Variants in HERC3 observed in about 807,000 individuals in gnomAD.
HERC3 encodes the protein probable E3 ubiquitin-protein ligase HERC3.
In HERC3, 58 loss-of-function variants were observed where a neutral mutation model predicts 129.9. The ratio of observed to expected loss-of-function variants is 0.45; its 90% CI spans 0.36 to 0.56. HERC3 has a LOEUF of 0.56. Among genes scored for constraint, HERC3 ranks in the 20% least tolerant of loss-of-function variants. The probability of loss-of-function intolerance (pLI) is 0.00; values close to 1 mark genes in which losing one functional copy is unlikely to be tolerated. For synonymous variants in HERC3, 430 were observed against 451.0 expected (o/e 0.95, Z 0.59); for missense variants, 835 against 1,244.2 (o/e 0.67, Z 4.95).
chr4:88,690,456 A>G, intron 23 of HERC3: 1 of 985,420 alleles, frequency 1.0e-6, no homozygotes, highest in Non-Finnish European at 1.2e-6. Flanking sequence ...TAGCTTTTGC[A>G]TTAAGTTTCA....
the HERC3 span, among the ~76,000 whole-genome samples, chr4:88,552,122 TG>T: frequency 1.3e-5 from 1 of 78,082 alleles, no homozygotes; most frequent in East Asian, 3.3e-4. Context: ...CATCACAGTC[TG>T]GGGACTGTTG....
chr4:88,697,142 T>A, intron 23 of HERC3: 2 of 1,437,964 alleles, frequency 1.4e-6, no homozygotes, highest in Non-Finnish European at 1.8e-6. Context: ...CCATCGATAT[T>A]CTGGGAAAAA....
the HERC3 span, among the ~76,000 whole-genome samples, chr4:88,554,098 A>T: frequency 6.6e-6 from 1 of 152,312 alleles, no homozygotes; most frequent in Non-Finnish European, 1.5e-5. Context: ...CTGTAATCCC[A>T]GCATGTTGGG....
At chr4:88,535,598 G>A in the HERC3 span, among the ~76,000 whole-genome samples, 81 of 152,202 alleles carry the variant, frequency 5.3e-4, no homozygotes, top group Non-Finnish European at 1.0e-3. Context: ...AGTCATGATG[G>A]ACTTCATCTT....
chr4:88,687,888 AGAG>A (rs1258615313), intron 23 of HERC3, among the ~76,000 whole-genome samples: 1 of 150,576 alleles, frequency 6.6e-6, no homozygotes, highest in Non-Finnish European at 1.5e-5. Flanking sequence ...TTAACTCTTT[AGAG>A]GAGAGAAGAT....
intron 3 of HERC3, among the ~76,000 whole-genome samples, chr4:88,631,276 G>A (rs1296193098): frequency 1.3e-5 from 2 of 152,046 alleles, no homozygotes; most frequent in African/African-American, 4.8e-5. Flanking sequence ...CCAACATGGT[G>A]AAACCCCGCC....
intron 18 of HERC3, among the ~76,000 whole-genome samples, chr4:88,676,851 G>T (rs946303036): frequency 6.6e-6 from 1 of 152,134 alleles, no homozygotes; most frequent in Non-Finnish European, 1.5e-5. Context: ...TTAAAAAAAT[G>T]TAGAAACCAT....
Position 88,707,224 on chromosome 4 carries a change from C to A in HERC3, c.*264C>A. The A allele has an allele frequency of 2.3e-6, 1 of 440,472 alleles. No individual in the cohort carries two copies. The highest frequency in any genetic ancestry group is 4.1e-6 in the Non-Finnish European group (1 of 242,362). The allele number at this position is 440,472 out of a possible 1,614,324, so 27.3% of individuals were successfully genotyped here. A position where few individuals can be genotyped will look rare whatever the true frequency, so the allele number is the denominator to read the frequency against. On this transcript the variant is annotated 3_prime_UTR_variant, in exon 26 of 26. Coordinates refer to ENST00000402738, the MANE Select transcript of HERC3 (RefSeq NM_014606.3). ...GTTTTAAACCAAACTACCCAGTATT[C>A]CTTGCACTTGTGAATGTGTTGCACT...
intron 3 of HERC3, among the ~76,000 whole-genome samples, chr4:88,623,758 A>G (rs999545375): frequency 3.3e-5 from 5 of 152,182 alleles, no homozygotes; most frequent in Non-Finnish European, 7.4e-5. Context: ...TAAAGCATAT[A>G]TTTTTTGGTG....
the HERC3 span, among the ~76,000 whole-genome samples, chr4:88,570,507 A>G: frequency 1.3e-5 from 2 of 152,180 alleles, no homozygotes; most frequent in African/African-American, 2.4e-5. Flanking sequence ...TTTTGTTTCA[A>G]TGATCCCAAA....
intron 23 of HERC3, among the ~76,000 whole-genome samples, chr4:88,699,659 C>G (rs1735146642): frequency 6.6e-6 from 1 of 151,510 alleles, no homozygotes; most frequent in Non-Finnish European, 1.5e-5. Flanking sequence ...GCCTTTTGAC[C>G]CCTATAGTAT....
At chr4:88,556,037 C>T in the HERC3 span, among the ~76,000 whole-genome samples, 288 of 152,232 alleles carry the variant, frequency 1.9e-3, 2 homozygotes, top group Non-Finnish European at 2.8e-3. Flanking sequence ...AAATTGATGA[C>T]GCTGGAAGCT....
At chr4:88,543,427 A>T in the HERC3 span, among the ~76,000 whole-genome samples, 1 of 152,204 alleles carries the variant, frequency 6.6e-6, no homozygotes, top group Non-Finnish European at 1.5e-5. Flanking sequence ...GCTCAACGAA[A>T]TAAAAGAGGA....
chr4:88,546,477 T>C, the HERC3 span, among the ~76,000 whole-genome samples: 1 of 152,058 alleles, frequency 6.6e-6, no homozygotes, highest in African/African-American at 2.4e-5. Context: ...TTTAGTTCTT[T>C]GTTTCCCCTC....
At chr4:88,555,899 G>A in the HERC3 span, among the ~76,000 whole-genome samples, 1 of 152,136 alleles carries the variant, frequency 6.6e-6, no homozygotes, top group African/African-American at 2.4e-5. Context: ...TAGTAAGCTG[G>A]TAAGGTTACC....
At chr4:88,627,904 CAA>C (rs60358778) in intron 3 of HERC3, among the ~76,000 whole-genome samples, 5,501 of 80,926 alleles carry the variant, frequency 0.068, 106 homozygotes, top group Middle Eastern at 0.14. Context: ...AACTCCGTCT[CAA>C]AAAAAAAAAA....
intron 23 of HERC3, 112 bp from the exon 24 acceptor site, chr4:88,703,986 G>T: frequency 7.1e-6 from 7 of 988,120 alleles, no homozygotes; most frequent in Middle Eastern, 3.4e-4. Flanking sequence ...CTCCTGATTT[G>T]AGAATTTGAT....
chr4:88,678,241 T>G, intron 19 of HERC3, 107 bp downstream of exon 19: 1 of 952,234 alleles, frequency 1.1e-6, no homozygotes, highest in South Asian at 1.6e-5. Context: ...AGCCATTCTT[T>G]CATTCATTTT....
the HERC3 span, among the ~76,000 whole-genome samples, chr4:88,575,057 G>GCTCT: frequency 6.6e-6 from 1 of 152,162 alleles, no homozygotes; most frequent in Non-Finnish European, 1.5e-5. Context: ...TACAGCTTCA[G>GCTCT]CTCTGGATAT....
Sources: gnomAD v4.1 joint callset for allele counts (sites outside exome capture counted in the v4.1 genomes callset) on GRCh38, gnomAD v4.1.1 for gene constraint, MANE v1.5 for transcripts, NCBI Gene and HGNC (gene_info 2026-07-23, HGNC 2026-07-21) for gene names.